The following ATP13A4 variants were observed in gnomAD, a reference collection of about 807,000 sequenced individuals.
ATP13A4 encodes ATPase 13A4, also known as probable cation-transporting ATPase 13A4.
Under a neutral mutation model 142.5 loss-of-function variants are expected in ATP13A4, and 114 were observed. That is an observed-to-expected ratio of 0.80 (90% confidence interval 0.69 to 0.93). The LOEUF is 0.93. ATP13A4 is among the 40% of genes least tolerant of loss of function. The pLI is 0.00. For missense variants in ATP13A4, 1,392 were observed against 1,454.0 expected (o/e 0.96, Z 0.69); for synonymous variants, 488 against 514.8 (o/e 0.95, Z 0.70).
chr3:193,492,170 T>C (rs1289494332), intron 5 of ATP13A4, among the ~76,000 whole-genome samples: 1 of 152,176 alleles, frequency 6.6e-6, no homozygotes, highest in East Asian at 1.9e-4. Context: ...TCTGAGATCC[T>C]TCATTTCTAA....
chr3:193,411,220 T>C (rs1714751965), intron 27 of ATP13A4, 150 bp from the exon 28 acceptor site: 1 of 677,964 alleles, frequency 1.5e-6, no homozygotes, highest in Non-Finnish European at 2.7e-6. Flanking sequence ...TTCTAAGCAA[T>C]GGGTCTCACC....
intron 18 of ATP13A4, among the ~76,000 whole-genome samples, chr3:193,446,138 G>A (rs1716940467): frequency 1.3e-5 from 2 of 151,990 alleles, no homozygotes; most frequent in Non-Finnish European, 2.9e-5. Flanking sequence ...ACTCTAGCCT[G>A]GACAAGAGAG....
chr3:193,512,011 C>T (rs898142096), intron 2 of ATP13A4, among the ~76,000 whole-genome samples: 3 of 151,808 alleles, frequency 2.0e-5, no homozygotes, highest in South Asian at 4.2e-4. Context: ...TGCCCATTTC[C>T]TCTTATTCTT....
chr3:193,493,275 A>G (rs1206696552), intron 3 of ATP13A4, 115 bp from the exon 4 acceptor site: 3 of 860,410 alleles, frequency 3.5e-6, no homozygotes, highest in African/African-American at 3.4e-5. Flanking sequence ...TAACATACTT[A>G]TTTAAGATTT....
At position 193,519,798 on chromosome 3, in the gene ATP13A4, C is replaced by T. The variant is rs181237889; in HGVS notation, c.61-4927G>A. 2.8e-3 allele frequency among the ~76,000 whole-genome samples: 430 copies of T among 151,892 alleles called. 2 individuals are homozygous for T. Among genetic ancestry groups the T allele is most frequent in the South Asian group, 7.9e-3 (38 of 4,800 alleles). ...TAGCTGGGATTACAGGCGCCCGTCA[C>T]TGTGCCCAGCTAATTTTTGTATTTT... On this transcript the variant is annotated intron_variant, in intron 1 of 29. Coordinates refer to ENST00000342695, the MANE Select transcript of ATP13A4 (RefSeq NM_032279.4).
chr3:193,428,797 G>A (rs1317199816), intron 25 of ATP13A4, among the ~76,000 whole-genome samples: 1 of 115,214 alleles, frequency 8.7e-6, no homozygotes, highest in Admixed American at 1.1e-4. Context: ...GTCGTGGGGT[G>A]GGGGGAGGGG....
chr3:193,502,690 C>G (rs1285672270), intron 2 of ATP13A4, 51 bp from the exon 3 acceptor site: 1 of 1,543,580 alleles, frequency 6.5e-7, no homozygotes, highest in East Asian at 2.2e-5. Context: ...GGTCAGCAGG[C>G]TACAATTCAA....
chr3:193,424,193 C>A, intron 25 of ATP13A4, among the ~76,000 whole-genome samples: 1 of 149,048 alleles, frequency 6.7e-6, no homozygotes, highest in African/African-American at 2.5e-5. Context: ...AACACACATA[C>A]ATGAAAAGAC....
chr3:193,577,967 C>A (rs1724432910), intron 2 of ATP13A4, among the ~76,000 whole-genome samples: 1 of 152,200 alleles, frequency 6.6e-6, no homozygotes, highest in Non-Finnish European at 1.5e-5. Context: ...AAATTCTCAA[C>A]TTTCAGACTG....
intron 1 of ATP13A4, among the ~76,000 whole-genome samples, chr3:193,523,044 T>G (rs1178240971): frequency 6.6e-6 from 1 of 152,222 alleles, no homozygotes; most frequent in African/African-American, 2.4e-5. Flanking sequence ...GGCTTACGCC[T>G]GTAATCCTAG....
At chr3:193,425,438 T>C (rs1715608890) in intron 25 of ATP13A4, among the ~76,000 whole-genome samples, 1 of 151,770 alleles carries the variant, frequency 6.6e-6, no homozygotes, top group Non-Finnish European at 1.5e-5. Flanking sequence ...CTATTCATAA[T>C]AGCCAAAACA....
At chr3:193,450,402 T>A (rs1421776135) in intron 17 of ATP13A4, among the ~76,000 whole-genome samples, 1 of 152,160 alleles carries the variant, frequency 6.6e-6, no homozygotes, top group African/African-American at 2.4e-5. Flanking sequence ...AAATTCCTCA[T>A]CCAGAAATTT....
chr3:193,547,517 T>G (rs1723292387), intron 1 of ATP13A4, among the ~76,000 whole-genome samples: 1 of 152,242 alleles, frequency 6.6e-6, no homozygotes, highest in African/African-American at 2.4e-5. Context: ...CTCATTAGAA[T>G]GCCTTATAAA....
chr3:193,573,126 G>C (rs1187285436), intron 2 of ATP13A4, among the ~76,000 whole-genome samples: 1 of 150,474 alleles, frequency 6.6e-6, no homozygotes, highest in Admixed American at 6.7e-5. Context: ...CGAGATCACC[G>C]ACATGGTTTA....
intron 2 of ATP13A4, among the ~76,000 whole-genome samples, chr3:193,508,304 T>C (rs1442485638): frequency 1.3e-5 from 2 of 152,220 alleles, no homozygotes; most frequent in Non-Finnish European, 2.9e-5. Flanking sequence ...TCAAGAGCAG[T>C]GCTGGGAATC....
At chr3:193,416,016 C>T (rs1167794992) in intron 25 of ATP13A4, among the ~76,000 whole-genome samples, 1 of 152,178 alleles carries the variant, frequency 6.6e-6, no homozygotes, top group Non-Finnish European at 1.5e-5. Flanking sequence ...ATAAGTACTC[C>T]AGCACAGAAA....
intron 2 of ATP13A4, among the ~76,000 whole-genome samples, chr3:193,506,051 A>C (rs973764643): frequency 4.6e-5 from 7 of 152,154 alleles, no homozygotes; most frequent in African/African-American, 1.7e-4. Flanking sequence ...TCTGTGCCTC[A>C]TTTTTCATAG....
In ATP13A4 at chr3:193,554,869, C is replaced by G; in HGVS notation, c.-70G>C. Reference sequence around the variant, plus strand: ...GCTTCCAGGATGAACTCCAACTCGCCGAGCCACCGCAGCTCCTCAGCTGAC... The same window carrying G: ...GCTTCCAGGATGAACTCCAACTCGCGGAGCCACCGCAGCTCCTCAGCTGAC... On this transcript the variant is annotated 5_prime_UTR_variant, in exon 1 of 30. Transcript: ENST00000342695. 6.2e-7 allele frequency: 1 copy of G among 1,612,882 alleles called. No individual in the cohort carries two copies. The highest frequency in any genetic ancestry group is 8.5e-7 in the Non-Finnish European group (1 of 1,179,878).
intron 18 of ATP13A4, among the ~76,000 whole-genome samples, chr3:193,443,157 A>G (rs1002491936): frequency 6.6e-6 from 1 of 152,102 alleles, no homozygotes; most frequent in Non-Finnish European, 1.5e-5. Flanking sequence ...TCCAAAAGAC[A>G]CCCAGTCTTT....
Sources: allele counts gnomAD v4.1 joint callset (sites outside exome capture counted in the v4.1 genomes callset), GRCh38; gene constraint gnomAD v4.1.1; transcripts MANE v1.5; gene names NCBI Gene and HGNC (gene_info 2026-07-23, HGNC 2026-07-21).